Variants in NELL1 observed in about 807,000 individuals in gnomAD.
The protein encoded by NELL1 is protein kinase C-binding protein NELL1.
Under a neutral mutation model 107.4 loss-of-function variants are expected in NELL1, and 76 were observed. The observed-to-expected ratio is 0.71, with a 90% CI of 0.59 to 0.86. The LOEUF (loss-of-function observed/expected upper bound fraction) is 0.86, where lower values mean the gene tolerates loss of function less well. NELL1 is among the 40% of genes least tolerant of loss of function. NELL1 has a pLI of 0.00. For missense variants in NELL1, 1,024 were observed against 1,005.5 expected, an observed-to-expected ratio of 1.02 and a Z score of -0.25; for synonymous variants, 353 against 341.2, an observed-to-expected ratio of 1.03 and a Z score of -0.38.
intron 16 of NELL1, among the ~76,000 whole-genome samples, chr11:21,557,897 G>A (rs1469204678): frequency 6.6e-6 from 1 of 151,958 alleles, no homozygotes; most frequent in African/African-American, 2.4e-5. Context: ...GTTATACTCA[G>A]CACTGGGAAG....
At chr11:20,768,132 A>G (rs980629427) in intron 2 of NELL1, among the ~76,000 whole-genome samples, 2 of 152,232 alleles carry the variant, frequency 1.3e-5, no homozygotes, top group African/African-American at 4.8e-5. Flanking sequence ...TATGCTAGGT[A>G]CTATTCTAAA....
chr11:21,414,538 TCC>T (rs879923981), intron 15 of NELL1, among the ~76,000 whole-genome samples: 25 of 143,324 alleles, frequency 1.7e-4, no homozygotes, highest in African/African-American at 2.8e-4. Context: ...GGACTCTCCC[TCC>T]GGTGTACTAC....
intron 16 of NELL1, among the ~76,000 whole-genome samples, chr11:21,553,893 G>A (rs1009924136): frequency 6.6e-6 from 1 of 151,840 alleles, no homozygotes; most frequent in African/African-American, 2.4e-5. Flanking sequence ...ATGAAATTTT[G>A]TTAAAGACAT....
At chr11:20,829,501 C>G (rs188227038) in intron 3 of NELL1, among the ~76,000 whole-genome samples, 1 of 151,850 alleles carries the variant, frequency 6.6e-6, no homozygotes, top group Admixed American at 6.6e-5. Flanking sequence ...GTTGGGATTA[C>G]AGGTGTGAGC....
At chr11:21,020,694 G>A (rs937512124) in intron 12 of NELL1, among the ~76,000 whole-genome samples, 3 of 151,864 alleles carry the variant, frequency 2.0e-5, no homozygotes, top group Non-Finnish European at 4.4e-5. Context: ...GCAGTAGCTG[G>A]AAGACATCAC....
intron 14 of NELL1, among the ~76,000 whole-genome samples, chr11:21,303,584 A>G (rs564777293): frequency 6.6e-6 from 1 of 152,190 alleles, no homozygotes; most frequent in East Asian, 1.9e-4. Context: ...TACAACCTCT[A>G]TAGAAAACAG....
intron 5 of NELL1, among the ~76,000 whole-genome samples, chr11:20,896,500 T>A (rs1849741511): frequency 6.6e-6 from 1 of 152,224 alleles, no homozygotes; most frequent in African/African-American, 2.4e-5. Flanking sequence ...AGTAGTGGGA[T>A]TGCTGGATCA....
chr11:20,976,377 C>A (rs1057476110), intron 12 of NELL1, among the ~76,000 whole-genome samples: 6 of 151,998 alleles, frequency 3.9e-5, no homozygotes, highest in Admixed American at 3.3e-4. Context: ...ACAAGCAGAC[C>A]ATTTGATATC....
intron 17 of NELL1, among the ~76,000 whole-genome samples, chr11:21,565,637 TCCTATCC>T (rs1458594196): frequency 6.6e-6 from 1 of 151,904 alleles, no homozygotes; most frequent in Non-Finnish European, 1.5e-5. Context: ...AATTAGTTTT[TCCTATCC>T]CCTAGCCTCC....
At chr11:21,128,010 T>G (rs779128332) in intron 13 of NELL1, among the ~76,000 whole-genome samples, 6 of 152,120 alleles carry the variant, frequency 3.9e-5, no homozygotes, top group Non-Finnish European at 8.8e-5. Flanking sequence ...TTCCTCAGTT[T>G]GGACAAAGAG....
chr11:21,020,786 G>C (rs1306217051), intron 12 of NELL1, among the ~76,000 whole-genome samples: 1 of 151,918 alleles, frequency 6.6e-6, no homozygotes, highest in Non-Finnish European at 1.5e-5. Context: ...GAGGGTCTCT[G>C]AACAGGTGCC....
chr11:21,078,900 A>G (rs1387051766), intron 12 of NELL1, among the ~76,000 whole-genome samples: 1 of 152,090 alleles, frequency 6.6e-6, no homozygotes, highest in Non-Finnish European at 1.5e-5. Flanking sequence ...AGCCTACAAT[A>G]TAGAATGTCA....
chr11:20,936,164 G>C (rs924799057), intron 9 of NELL1, among the ~76,000 whole-genome samples: 1 of 152,126 alleles, frequency 6.6e-6, no homozygotes, highest in South Asian at 2.1e-4. Flanking sequence ...CATTCCTACA[G>C]GGAGCTTTGG....
At chr11:20,817,784 G>T (rs78823885) in intron 3 of NELL1, among the ~76,000 whole-genome samples, 1,650 of 151,140 alleles carry the variant, frequency 0.011, 22 homozygotes, top group African/African-American at 0.038. Context: ...TCTTTATACT[G>T]CTTTTGCTTC....
intron 12 of NELL1, among the ~76,000 whole-genome samples, chr11:20,983,241 A>T (rs1436682871): frequency 3.3e-5 from 5 of 152,052 alleles, no homozygotes; most frequent in Non-Finnish European, 5.9e-5. Flanking sequence ...GTCACTCTGG[A>T]ATTTGTGCCA....
At chr11:21,421,536 G>C (rs1294051237) in intron 15 of NELL1, among the ~76,000 whole-genome samples, 2 of 152,012 alleles carry the variant, frequency 1.3e-5, no homozygotes, top group African/African-American at 4.8e-5. Context: ...GATTTTGCAG[G>C]TAGAGATACA....
chr11:21,066,573 G>T (rs112958163), intron 12 of NELL1, among the ~76,000 whole-genome samples: 3 of 152,270 alleles, frequency 2.0e-5, no homozygotes, highest in African/African-American at 7.2e-5. Context: ...AATAAAGGTT[G>T]CTATCATTCA....
chr11:20,856,630 C>G (rs1017324), intron 4 of NELL1, among the ~76,000 whole-genome samples: 1 of 152,026 alleles, frequency 6.6e-6, no homozygotes, highest in Admixed American at 6.5e-5. Flanking sequence ...CTAATCCTTC[C>G]ATGTACTTTT....
At chr11:21,252,595 T>C (rs1858668496) in intron 14 of NELL1, among the ~76,000 whole-genome samples, 1 of 152,184 alleles carries the variant, frequency 6.6e-6, no homozygotes, top group South Asian at 2.1e-4. Context: ...TATCCCTTGC[T>C]AAATTTAGTC....
Sources: gnomAD v4.1 joint callset for allele counts (sites outside exome capture counted in the v4.1 genomes callset) on GRCh38, gnomAD v4.1.1 for gene constraint, MANE v1.5 for transcripts, NCBI Gene and HGNC (gene_info 2026-07-23, HGNC 2026-07-21) for gene names.